NALF1: variants seen among roughly 807,000 people sequenced by gnomAD.
NALF1 encodes family with sequence similarity 155 member A.
In NALF1, 3 loss-of-function variants were observed where a neutral mutation model predicts 48.4. The ratio of observed to expected loss-of-function variants is 0.06; its 90% CI spans 0.03 to 0.16. The LOEUF is 0.16. Among genes scored for constraint, NALF1 ranks in the 10% least tolerant of loss-of-function variants. The probability of loss-of-function intolerance (pLI) is 1.00; values close to 1 mark genes in which losing one functional copy is unlikely to be tolerated. For synonymous variants in NALF1, 262 were observed against 245.7 expected, an observed-to-expected ratio of 1.07 and a Z score of -0.62; for missense variants, 526 against 571.5, an observed-to-expected ratio of 0.92 and a Z score of 0.81.
intron 1 of NALF1, among the ~76,000 whole-genome samples, chr13:107,750,058 T>A (rs1876891208): frequency 6.6e-6 from 1 of 152,142 alleles, no homozygotes; most frequent in Non-Finnish European, 1.5e-5. Flanking sequence ...GACCTCATGA[T>A]CCACCCGCCT....
chr13:107,360,696 G>A (rs974397537), intron 1 of NALF1, among the ~76,000 whole-genome samples: 2 of 151,960 alleles, frequency 1.3e-5, no homozygotes. Flanking sequence ...TCTCACCTGA[G>A]TATCATTGTC....
chr13:107,303,441 T>A (rs1187378387), intron 1 of NALF1, among the ~76,000 whole-genome samples: 1 of 152,212 alleles, frequency 6.6e-6, no homozygotes, highest in Non-Finnish European at 1.5e-5. Flanking sequence ...AATAAAAACA[T>A]CAGAATATTT....
At chr13:107,347,530 T>A (rs1246906984) in intron 1 of NALF1, among the ~76,000 whole-genome samples, 1 of 152,228 alleles carries the variant, frequency 6.6e-6, no homozygotes, top group Non-Finnish European at 1.5e-5. Context: ...TCAACTACAG[T>A]ACAGTCTATT....
chr13:107,852,315 C>A (rs2138643299), intron 1 of NALF1, among the ~76,000 whole-genome samples: 1 of 152,232 alleles, frequency 6.6e-6, no homozygotes, highest in African/African-American at 2.4e-5. Flanking sequence ...CTGTGGGACA[C>A]CTTTTATCTC....
chr13:107,666,823 C>T (rs993546323), intron 1 of NALF1, among the ~76,000 whole-genome samples: 5 of 152,020 alleles, frequency 3.3e-5, no homozygotes, highest in East Asian at 1.9e-4. Flanking sequence ...ATCCAAGATT[C>T]GCCATAAATT....
At chr13:107,547,196 A>T (rs1417878166) in intron 1 of NALF1, among the ~76,000 whole-genome samples, 1 of 152,210 alleles carries the variant, frequency 6.6e-6, no homozygotes, top group Non-Finnish European at 1.5e-5. Context: ...ACATCAGAAG[A>T]GTGCCTCATA....
Position 107,720,134 on chromosome 13 carries a change from C to T in NALF1, c.915+145548G>A, listed in dbSNP as rs141247674. On this transcript the variant is annotated intron_variant, in intron 1 of 2. Transcript: ENST00000375915. ...TAGCGTTTTGGTGGCCTCCACCCTA[C>T]GAACTTGCCACTCATTAAACATGTA... Among the ~76,000 whole-genome samples the T allele has an allele frequency of 2.3e-3, 357 of 152,276 alleles. 1 individual carries two copies. Among genetic ancestry groups the T allele is most frequent in the Middle Eastern group, 0.014 (4 of 294 alleles).
At chr13:107,186,189 G>A (rs560964562) in intron 2 of NALF1, among the ~76,000 whole-genome samples, 28 of 152,116 alleles carry the variant, frequency 1.8e-4, no homozygotes, top group South Asian at 4.2e-4. Context: ...TATACATAGC[G>A]TTTGACGGGG....
intron 1 of NALF1, among the ~76,000 whole-genome samples, chr13:107,298,935 C>A (rs1485920700): frequency 6.6e-6 from 1 of 151,758 alleles, no homozygotes; most frequent in African/African-American, 2.4e-5. Flanking sequence ...CCAAATTTTA[C>A]CATTTTTTTC....
intron 2 of NALF1, among the ~76,000 whole-genome samples, chr13:107,180,639 AC>A (rs1156981803): frequency 2.6e-5 from 4 of 151,904 alleles, no homozygotes; most frequent in Non-Finnish European, 4.4e-5. Flanking sequence ...ATATATACAC[AC>A]ACACTACATG....
At chr13:107,819,873 C>T (rs543965089) in intron 1 of NALF1, among the ~76,000 whole-genome samples, 51 of 152,160 alleles carry the variant, frequency 3.4e-4, no homozygotes, top group Middle Eastern at 3.4e-3. Context: ...TTGCCACTAT[C>T]TATTTTTTAG....
At chr13:107,720,529 A>AAAAAAAAC (rs1238742274) in intron 1 of NALF1, among the ~76,000 whole-genome samples, 1 of 151,722 alleles carries the variant, frequency 6.6e-6, no homozygotes, top group Non-Finnish European at 1.5e-5. Context: ...AAAAAAAAAA[A>AAAAAAAAC]AAAAGCATAT....
chr13:107,183,428 A>G (rs1405816759), intron 2 of NALF1, among the ~76,000 whole-genome samples: 1 of 152,248 alleles, frequency 6.6e-6, no homozygotes, highest in Non-Finnish European at 1.5e-5. Context: ...TGTGAAAGAT[A>G]GTGTGGCTAT....
At chr13:107,493,637 G>A (rs897888555) in intron 1 of NALF1, among the ~76,000 whole-genome samples, 1 of 152,148 alleles carries the variant, frequency 6.6e-6, no homozygotes, top group African/African-American at 2.4e-5. Context: ...CAATCCCAGG[G>A]AGAGTAAGGC....
intron 1 of NALF1, among the ~76,000 whole-genome samples, chr13:107,421,613 A>C (rs1224462815): frequency 2.6e-5 from 4 of 152,144 alleles, no homozygotes; most frequent in Non-Finnish European, 5.9e-5. Flanking sequence ...AAACATAGAA[A>C]ACCAGAAAGA....
intron 1 of NALF1, among the ~76,000 whole-genome samples, chr13:107,824,291 C>T (rs1452135397): frequency 6.6e-6 from 1 of 151,398 alleles, no homozygotes; most frequent in African/African-American, 2.4e-5. Context: ...ATATAGGGAC[C>T]CCTAGATATA....
intron 1 of NALF1, among the ~76,000 whole-genome samples, chr13:107,225,004 ATTTTATTTTG>A (rs1880072769): frequency 6.6e-6 from 1 of 151,904 alleles, no homozygotes; most frequent in South Asian, 2.1e-4. Flanking sequence ...ATTTTATTTT[ATTTTATTTTG>A]TTTTGTTTTT....
At chr13:107,306,321 C>T (rs1217841952) in intron 1 of NALF1, among the ~76,000 whole-genome samples, 1 of 152,118 alleles carries the variant, frequency 6.6e-6, no homozygotes, top group African/African-American at 2.4e-5. Context: ...CTCCCATCTG[C>T]GGCTGATGGG....
intron 2 of NALF1, among the ~76,000 whole-genome samples, chr13:107,204,642 T>A (rs532900057): frequency 1.3e-5 from 2 of 152,190 alleles, no homozygotes; most frequent in East Asian, 3.8e-4. Context: ...AAAAGTACAA[T>A]GTTTTAATGG....
Sources: gnomAD v4.1 joint callset for allele counts (sites outside exome capture counted in the v4.1 genomes callset) on GRCh38, gnomAD v4.1.1 for gene constraint, MANE v1.5 for transcripts, NCBI Gene and HGNC (gene_info 2026-07-23, HGNC 2026-07-21) for gene names.